The following GRIN2A variants were observed in gnomAD, a reference collection of about 807,000 sequenced individuals.
The protein encoded by GRIN2A is glutamate ionotropic receptor NMDA type subunit 2A.
GRIN2A carries 22 observed loss-of-function variants against 113.4 expected under a neutral mutation model. The ratio of observed to expected loss-of-function variants is 0.19; its 90% CI spans 0.14 to 0.28. GRIN2A has a LOEUF of 0.28. Among genes scored for constraint, GRIN2A ranks in the 10% least tolerant of loss-of-function variants. The pLI is 1.00. For missense variants in GRIN2A, 1,502 were observed against 1,887.0 expected (o/e 0.80, Z 3.78); for synonymous variants, 827 against 738.4 (o/e 1.12, Z -1.94).
At chr16:10,021,839 T>G (rs963361049) in intron 2 of GRIN2A, among the ~76,000 whole-genome samples, 3 of 151,994 alleles carry the variant, frequency 2.0e-5, no homozygotes, top group African/African-American at 7.2e-5. Context: ...CTGAGTGACC[T>G]TAGGCTGCAT....
At chr16:9,857,485 A>G (rs1455672995) in intron 4 of GRIN2A, among the ~76,000 whole-genome samples, 1 of 152,224 alleles carries the variant, frequency 6.6e-6, no homozygotes, top group Admixed American at 6.5e-5. Flanking sequence ...TTCAAAAGGG[A>G]GAGTTTTTTA....
intron 2 of GRIN2A, among the ~76,000 whole-genome samples, chr16:10,113,924 T>C (rs2048675626): frequency 3.3e-5 from 5 of 152,122 alleles, no homozygotes; most frequent in Admixed American, 3.3e-4. Context: ...TTAACCTTAG[T>C]TGGGCATGGT....
chr16:9,849,445 T>G (rs1320619827), intron 5 of GRIN2A, among the ~76,000 whole-genome samples: 1 of 152,014 alleles, frequency 6.6e-6, no homozygotes, highest in Non-Finnish European at 1.5e-5. Flanking sequence ...GTTTGAGTCC[T>G]ACCTCTTCCA....
chr16:9,931,008 T>A (rs1350934635), intron 3 of GRIN2A, among the ~76,000 whole-genome samples: 1 of 152,184 alleles, frequency 6.6e-6, no homozygotes, highest in Non-Finnish European at 1.5e-5. Flanking sequence ...CCAAAACACA[T>A]AAATGGTCAT....
intron 1 of GRIN2A, among the ~76,000 whole-genome samples, chr16:10,181,276 G>C (rs950547443): frequency 5.3e-5 from 8 of 152,144 alleles, no homozygotes; most frequent in African/African-American, 1.9e-4. Flanking sequence ...CTGAATTCTG[G>C]AGAGTAGGCG....
At chr16:10,036,283 G>A (rs190575394) in intron 2 of GRIN2A, among the ~76,000 whole-genome samples, 1 of 151,926 alleles carries the variant, frequency 6.6e-6, no homozygotes, top group Non-Finnish European at 1.5e-5. Context: ...AGTTCTGGAG[G>A]CTGAAAGTGT....
chr16:10,074,843 A>C (rs1249164177), intron 2 of GRIN2A, among the ~76,000 whole-genome samples: 1 of 152,342 alleles, frequency 6.6e-6, no homozygotes, highest in Non-Finnish European at 1.5e-5. Flanking sequence ...ACTAAAAAGC[A>C]TTGGACTGTG....
Position 9,837,785 on chromosome 16 carries a change from C to T in GRIN2A, c.1651+2862G>A, listed in dbSNP as rs1005381586. ...ATTGTTCCTGGCATAGTGAGGCTCT[C>T]TTATTAAAATACGAGTATCTGAATC... is the stretch of plus-strand genomic sequence containing the variant. On this transcript the variant is annotated intron_variant, in intron 7 of 12. Coordinates refer to ENST00000330684, the MANE Select transcript of GRIN2A (RefSeq NM_001134407.3). Among the ~76,000 whole-genome samples, 3 of 152,108 alleles carry T rather than the reference C, an allele frequency of 2.0e-5. No homozygotes were observed. The South Asian group carries it at 6.2e-4, about 32-fold the overall frequency.
At chr16:10,174,526 G>C (rs1209056879) in intron 2 of GRIN2A, among the ~76,000 whole-genome samples, 1 of 152,224 alleles carries the variant, frequency 6.6e-6, no homozygotes, top group African/African-American at 2.4e-5. Flanking sequence ...AGAGCAATCA[G>C]AGAAGAACTT....
intron 4 of GRIN2A, among the ~76,000 whole-genome samples, chr16:9,850,555 AAG>A (rs2042865391): frequency 2.0e-5 from 3 of 152,182 alleles, no homozygotes; most frequent in South Asian, 2.1e-4. Context: ...GATGAAGGAA[AAG>A]AGAAAAAGGG....
intron 2 of GRIN2A, among the ~76,000 whole-genome samples, chr16:10,129,270 GTC>G (rs766715370): frequency 2.0e-5 from 3 of 152,182 alleles, no homozygotes; most frequent in Admixed American, 6.5e-5. Context: ...TAGAGACAAA[GTC>G]TCTCTGTGTT....
intron 2 of GRIN2A, among the ~76,000 whole-genome samples, chr16:10,092,188 T>A (rs2048195482): frequency 6.6e-6 from 1 of 152,258 alleles, no homozygotes; most frequent in Non-Finnish European, 1.5e-5. Flanking sequence ...CCTCATTCTC[T>A]AAATAATTCT....
intron 8 of GRIN2A, among the ~76,000 whole-genome samples, chr16:9,833,872 A>C (rs1023015231): frequency 6.6e-6 from 1 of 152,132 alleles, no homozygotes; most frequent in South Asian, 2.1e-4. Flanking sequence ...GGTGTGTGCC[A>C]CCATGCCCAG....
At chr16:10,077,446 A>G (rs2047895153) in intron 2 of GRIN2A, among the ~76,000 whole-genome samples, 1 of 152,150 alleles carries the variant, frequency 6.6e-6, no homozygotes, top group Non-Finnish European at 1.5e-5. Context: ...CAGTAAACCC[A>G]GTACATCCCA....
intron 2 of GRIN2A, among the ~76,000 whole-genome samples, chr16:9,943,946 A>G (rs1170730593): frequency 6.6e-6 from 1 of 152,210 alleles, no homozygotes; most frequent in Non-Finnish European, 1.5e-5. Context: ...AGAAGTAGGT[A>G]TTCAAGTTAG....
At chr16:9,862,918 C>T (rs1350193005) in intron 4 of GRIN2A, among the ~76,000 whole-genome samples, 1 of 152,160 alleles carries the variant, frequency 6.6e-6, no homozygotes, top group Non-Finnish European at 1.5e-5. Flanking sequence ...AAACAATTAA[C>T]GAGTATAATT....
chr16:10,081,475 G>A (rs115494966), intron 2 of GRIN2A, among the ~76,000 whole-genome samples: 1,539 of 152,272 alleles, frequency 0.01, 28 homozygotes, highest in African/African-American at 0.035. Context: ...GGCTGGAAAT[G>A]GCAAGAACAA....
chr16:9,975,340 C>G (rs776997137), intron 2 of GRIN2A, among the ~76,000 whole-genome samples: 1 of 152,124 alleles, frequency 6.6e-6, no homozygotes, highest in Non-Finnish European at 1.5e-5. Context: ...TTCCATGGAT[C>G]CTACTCACAA....
chr16:9,818,021 CTTT>C (rs959181438), intron 10 of GRIN2A, among the ~76,000 whole-genome samples: 2 of 145,386 alleles, frequency 1.4e-5, no homozygotes, highest in African/African-American at 5.0e-5. Flanking sequence ...ACGAGAATGA[CTTT>C]TTTTTTTTAA....
Sources: allele counts gnomAD v4.1 joint callset (sites outside exome capture counted in the v4.1 genomes callset), GRCh38; gene constraint gnomAD v4.1.1; transcripts MANE v1.5; gene names NCBI Gene and HGNC (gene_info 2026-07-23, HGNC 2026-07-21).